Variants in BAG4 observed in about 807,000 individuals in gnomAD.
BAG4 encodes BAG cochaperone 4.
BAG4 carries 28 observed loss-of-function variants against 52.1 expected under a neutral mutation model. The ratio of observed to expected loss-of-function variants is 0.54; its 90% CI spans 0.40 to 0.74. The LOEUF is 0.74. Among genes scored for constraint, BAG4 ranks in the 30% least tolerant of loss-of-function variants. The pLI, the probability that BAG4 is intolerant of heterozygous loss-of-function variation, is 0.00. For missense variants in BAG4, 525 were observed against 572.0 expected (o/e 0.92, Z 0.84); for synonymous variants, 208 against 217.0 (o/e 0.96, Z 0.37).
At position 38,207,680 on chromosome 8, in the gene BAG4, G is replaced by C; in HGVS notation, c.547G>C (p.Val183Leu). The C allele has an allele frequency of 1.9e-6, 3 of 1,614,076 alleles. No homozygotes were observed. The highest frequency in any genetic ancestry group is 2.5e-6 in the Non-Finnish European group (3 of 1,179,992). Residue 183 changes from valine to leucine, a missense_variant, in exon 3 of 5, where the codon GTC (valine) becomes CTC (leucine). Around this residue, in one of 2 missense-constraint regions of BAG4, gnomAD observed 287 missense variants for 266.1 expected, o/e 1.08. Coordinates refer to ENST00000287322, the MANE Select transcript of BAG4 (RefSeq NM_004874.4). ...TTCATCTGGCAACAGCCCAACTCCA[G>C]TCTCTCGTTGGATCTATCCCCAGCA... ...YRSSGNSPTP[V>L]SRWIYPQQDC...
rs1322095597 is a variant in BAG4, at chr8:38,207,778, T to C, written c.633+12T>C. ...ATCCGCCTTCACAGGTGAGTTGTTTTCTATTGGGAAAAAAATGAATTCAAA... is the reference window on the plus strand; with the variant it reads ...ATCCGCCTTCACAGGTGAGTTGTTTCCTATTGGGAAAAAAATGAATTCAAA... On this transcript the variant is annotated intron_variant, in intron 3 of 4. Coordinates refer to ENST00000287322, the MANE Select transcript of BAG4 (RefSeq NM_004874.4). 4.3e-6 allele frequency: 7 copies of C among 1,612,588 alleles called. No individual in the cohort carries two copies. The highest frequency in any genetic ancestry group is 1.7e-4 in the Middle Eastern group (1 of 6,046).
At chr8:38,203,396 C>T (rs974436697) in intron 2 of BAG4, among the ~76,000 whole-genome samples, 1 of 151,722 alleles carries the variant, frequency 6.6e-6, no homozygotes, top group African/African-American at 2.4e-5. Context: ...CATTCTCCTG[C>T]CTCAGCCTCC....
At chr8:38,183,256 C>T (rs779704366) in intron 1 of BAG4, among the ~76,000 whole-genome samples, 6 of 151,836 alleles carry the variant, frequency 4.0e-5, no homozygotes, top group Non-Finnish European at 7.4e-5. Flanking sequence ...ACCATGTTAG[C>T]CAGGATGGTC....
chr8:38,186,609 C>T (rs774335630), intron 1 of BAG4, among the ~76,000 whole-genome samples: 7 of 152,082 alleles, frequency 4.6e-5, no homozygotes, highest in Non-Finnish European at 1.0e-4. Flanking sequence ...TAGGAGGAGC[C>T]CTTTGGTATC....
At chr8:38,203,004 C>G (rs1563284434) in intron 2 of BAG4, 1 of 152,096 alleles carries the variant, frequency 6.6e-6, no homozygotes, top group African/African-American at 2.4e-5. Flanking sequence ...AAAATAACAA[C>G]AGAGAGAAGG....
intron 2 of BAG4, among the ~76,000 whole-genome samples, chr8:38,201,226 G>A (rs999113009): frequency 6.6e-6 from 1 of 152,134 alleles, no homozygotes; most frequent in Non-Finnish European, 1.5e-5. Context: ...TAACCCAAAG[G>A]TGTCTAGACA....
At chr8:38,198,713 T>C (rs1425293263) in intron 2 of BAG4, among the ~76,000 whole-genome samples, 1 of 152,010 alleles carries the variant, frequency 6.6e-6, no homozygotes, top group South Asian at 2.1e-4. Context: ...GGTCTCGATC[T>C]CCCAACCTGG....
At chr8:38,208,907 T>A in intron 3 of BAG4, 106 bp from the exon 4 acceptor site, 1 of 1,306,696 alleles carries the variant, frequency 7.7e-7, no homozygotes, top group Middle Eastern at 2.6e-4. Context: ...GCAGCTAATG[T>A]ATACTCTGTT....
At chr8:38,190,379 C>A (rs1231891327) in intron 1 of BAG4, among the ~76,000 whole-genome samples, 1 of 152,074 alleles carries the variant, frequency 6.6e-6, no homozygotes, top group East Asian at 1.9e-4. Flanking sequence ...GAAAACTGTT[C>A]AAGAATTATT....
chr8:38,199,989 C>G (rs1055494651), intron 2 of BAG4, among the ~76,000 whole-genome samples: 11 of 149,134 alleles, frequency 7.4e-5, no homozygotes, highest in Non-Finnish European at 1.2e-4. Flanking sequence ...GTTTTTTCCA[C>G]TGAATTATCT....
intron 1 of BAG4, among the ~76,000 whole-genome samples, chr8:38,179,839 T>C (rs1442759825): frequency 3.3e-5 from 5 of 152,120 alleles, no homozygotes; most frequent in Non-Finnish European, 7.4e-5. Context: ...CATGGGACTA[T>C]AGAATGGTGA....
At chr8:38,181,886 C>CAAAAAAAAAAA (rs34268146) in intron 1 of BAG4, among the ~76,000 whole-genome samples, 2 of 37,246 alleles carry the variant, frequency 5.4e-5, no homozygotes, top group Non-Finnish European at 4.5e-5. Flanking sequence ...GAGACTATCT[C>CAAAAAAAAAAA]AAAAAAAAAA....
chr8:38,193,853 T>C (rs988417974), intron 2 of BAG4, among the ~76,000 whole-genome samples: 14 of 151,760 alleles, frequency 9.2e-5, no homozygotes, highest in African/African-American at 2.4e-4. Context: ...ATTCTCCTGC[T>C]TCAGCCTCCC....
chr8:38,188,099 T>A (rs1803398115), intron 1 of BAG4, among the ~76,000 whole-genome samples: 1 of 142,882 alleles, frequency 7.0e-6, no homozygotes, highest in African/African-American at 2.6e-5. Flanking sequence ...GAGTAACTGC[T>A]AAAGAAAAAA....
intron 2 of BAG4, among the ~76,000 whole-genome samples, chr8:38,197,227 G>T (rs925108679): frequency 6.6e-6 from 1 of 152,116 alleles, no homozygotes; most frequent in African/African-American, 2.4e-5. Context: ...TCTCAGAAAT[G>T]CATCAAGAGG....
rs763091825 is a variant in BAG4, at chr8:38,210,486, G to A, written c.1367G>A (p.Gly456Glu). 6.4e-7 allele frequency: 1 copy of A among 1,570,088 alleles called. No individual in the cohort carries two copies. The highest frequency in any genetic ancestry group is 8.6e-7 in the Non-Finnish European group (1 of 1,165,832). Residue 456 changes from glycine (G) to glutamate (E), a missense_variant, in exon 5 of 5, where the codon GGA becomes GAA. By Grantham distance (98) the Gly-to-Glu change is moderately conservative. Around this residue, in one of 2 missense-constraint regions of BAG4, gnomAD observed 238 missense variants for 305.8 expected, o/e 0.78. Coordinates refer to ENST00000287322, the MANE Select transcript of BAG4 (RefSeq NM_004874.4). Reference protein sequence around the residue: ...QAILEKLEKKGL With the variant: ...QAILEKLEKKEL ...ATACTGGAAAAATTAGAAAAAAAAG[G>A]ATTATGAAAGGATTTAGAACAAAGT... is the stretch of plus-strand genomic sequence containing the variant.
chr8:38,209,369 T>C (rs1291600069), intron 4 of BAG4, 102 bp downstream of exon 4: 1 of 1,494,154 alleles, frequency 6.7e-7, no homozygotes, highest in African/African-American at 1.4e-5. Context: ...GGGGACTAAT[T>C]ACAAAAAGTT....
chr8:38,202,004 A>T (rs1291276192), intron 2 of BAG4: 1 of 146,350 alleles, frequency 6.8e-6, no homozygotes, highest in Non-Finnish European at 1.5e-5. Context: ...TGCAAGTATT[A>T]GGGCAGCATT....
chr8:38,203,743 G>A (rs773127657), intron 2 of BAG4, among the ~76,000 whole-genome samples: 4 of 151,264 alleles, frequency 2.6e-5, no homozygotes, highest in Non-Finnish European at 5.9e-5. Context: ...GCTGAGGCAG[G>A]AGGATAACTT....
Sources: allele counts gnomAD v4.1 joint callset (sites outside exome capture counted in the v4.1 genomes callset), GRCh38; gene constraint gnomAD v4.1.1; regional missense constraint gnomAD v4.1.1; transcripts MANE v1.5; gene names NCBI Gene and HGNC (gene_info 2026-07-23, HGNC 2026-07-21).